Variants in ZCCHC24 observed in about 807,000 individuals in gnomAD.
ZCCHC24 encodes zinc finger CCHC domain-containing protein 24.
A neutral mutation model predicts 26.2 loss-of-function variants in ZCCHC24; 10 were observed. That is an observed-to-expected ratio of 0.38 (90% CI 0.24 to 0.65). ZCCHC24 has a LOEUF of 0.65. ZCCHC24 is among the 30% of genes least tolerant of loss of function. The probability of loss-of-function intolerance (pLI) is 0.54; values close to 1 mark genes in which losing one functional copy is unlikely to be tolerated. For missense variants in ZCCHC24, 243 were observed against 329.1 expected (o/e 0.74, Z 2.03); for synonymous variants, 144 against 147.1 (o/e 0.98, Z 0.15).
At chr10:79,435,971 C>G (rs551776711) in intron 1 of ZCCHC24, among the ~76,000 whole-genome samples, 1 of 152,288 alleles carries the variant, frequency 6.6e-6, no homozygotes, top group South Asian at 2.1e-4. Flanking sequence ...CCCATCTGTA[C>G]AGTGTAAAAT....
Position 79,386,453 on chromosome 10 carries a change from G to C in ZCCHC24, c.618C>G (p.Pro206=). 6.3e-7 allele frequency: 1 copy of C among 1,595,852 alleles called. No individual in the cohort carries two copies. The highest frequency in any genetic ancestry group is 8.6e-7 in the Non-Finnish European group (1 of 1,166,144). Residue 206 remains proline (P), a synonymous_variant, in exon 4 of 4, where the codon CCC becomes CCG. Transcript: ENST00000372336. ...HINVYPHKQR[P]LEKPDGLDVS... ...CGTCCAGGCCGTCGGGCTTCTCCAG[G>C]GGTCTCTGCAGAGAGAAGGAGGAAG...
At chr10:79,405,295 G>C (rs10740501) in intron 2 of ZCCHC24, among the ~76,000 whole-genome samples, 1 of 152,028 alleles carries the variant, frequency 6.6e-6, no homozygotes, top group East Asian at 1.9e-4. Context: ...TGTGTGCTGC[G>C]GTCAGGTGCA....
chr10:79,394,058 A>G (rs914040730), intron 3 of ZCCHC24, among the ~76,000 whole-genome samples: 6 of 152,134 alleles, frequency 3.9e-5, no homozygotes, highest in Admixed American at 3.9e-4. Flanking sequence ...CCTGTTCACT[A>G]GTTTTACAAT....
rs756203255 is a variant in ZCCHC24 at position 79,432,692 on chromosome 10, G to A, written c.313C>T (p.Leu105Phe). The A allele has an allele frequency of 2.5e-6, 4 of 1,608,874 alleles. No homozygotes were observed. The highest frequency in any genetic ancestry group is 2.7e-5 in the African/African-American group (2 of 74,568). Residue 105 changes from leucine (L) to phenylalanine (F), a missense_variant, in exon 2 of 4, where the codon CTC becomes TTC. By Grantham distance (22) the Leu-to-Phe change is conservative (BLOSUM62 0). Around this residue, in one of 2 missense-constraint regions of ZCCHC24, gnomAD observed 147 missense variants for 150.8 expected, o/e 0.97. Coordinates refer to ENST00000372336, the MANE Select transcript of ZCCHC24 (RefSeq NM_153367.4). ...GAGAAGTGCTCGGTGAGGGAGCTGA[G>A]GCCATCGGCGATGTTGTTGAGGGAG... is the stretch of plus-strand genomic sequence containing the variant. ...YGSLNNIADG[L>F]SSLTEHFSDL...
At chr10:79,421,325 A>G (rs1856931247) in intron 2 of ZCCHC24, among the ~76,000 whole-genome samples, 1 of 152,116 alleles carries the variant, frequency 6.6e-6, no homozygotes, top group Admixed American at 6.5e-5. Flanking sequence ...AACCCCCTGC[A>G]ATGCTACCTT....
At chr10:79,399,172 G>C (rs970805451) in intron 2 of ZCCHC24, among the ~76,000 whole-genome samples, 1 of 152,202 alleles carries the variant, frequency 6.6e-6, no homozygotes, top group Middle Eastern at 3.2e-3. Context: ...AGGAGAAGAA[G>C]GACTGTGGGC....
intron 2 of ZCCHC24, among the ~76,000 whole-genome samples, chr10:79,398,999 T>C (rs902936488): frequency 2.6e-5 from 4 of 151,710 alleles, no homozygotes; most frequent in African/African-American, 7.3e-5. Context: ...ACCCCCAAAA[T>C]TGCCCCCACC....
rs534031765 is a variant in ZCCHC24 at position 79,385,887 on chromosome 10, G to A, written c.*458C>T. On this transcript the variant is annotated 3_prime_UTR_variant, in exon 4 of 4. Coordinates refer to ENST00000372336, the MANE Select transcript of ZCCHC24 (RefSeq NM_153367.4). This position sits in a 1 kb window ranked among gnomAD's most constrained non-coding sequence, Gnocchi z 4.3. ...GCTGACTCAGGAAAGAGGGATTTCT[G>A]AGAGTGGCTTTCCATACAGGGCAAA... 1,335 of 346,568 alleles carry A rather than the reference G, an allele frequency of 3.9e-3. 5 individuals are homozygous for A. The highest frequency in any genetic ancestry group is 5.6e-3 in the Non-Finnish European group (1,084 of 192,138). 21.5% of individuals were successfully genotyped at this position (346,568 alleles called of 1,614,324 possible).
At chr10:79,437,784 G>A (rs1163102435) in intron 1 of ZCCHC24, among the ~76,000 whole-genome samples, 1 of 152,234 alleles carries the variant, frequency 6.6e-6, no homozygotes, top group Non-Finnish European at 1.5e-5. Flanking sequence ...TTCCAAGGCT[G>A]ACTCCAGTTC....
intron 2 of ZCCHC24, among the ~76,000 whole-genome samples, chr10:79,415,316 C>T (rs1856844700): frequency 6.6e-6 from 1 of 152,074 alleles, no homozygotes; most frequent in Non-Finnish European, 1.5e-5. Context: ...TAGGTGAGTC[C>T]CTTGGCCCCT....
At chr10:79,406,455 C>G (rs539544946) in intron 2 of ZCCHC24, among the ~76,000 whole-genome samples, 235 of 152,296 alleles carry the variant, frequency 1.5e-3, no homozygotes, top group Non-Finnish European at 2.9e-3. Context: ...GCTGACCCTG[C>G]TTCTTCACCA....
intron 2 of ZCCHC24, among the ~76,000 whole-genome samples, chr10:79,406,408 T>A (rs1349474057): frequency 6.6e-6 from 1 of 151,078 alleles, no homozygotes; most frequent in Admixed American, 6.6e-5. Context: ...TACAGGGGGG[T>A]CGCAGGGAGG....
In ZCCHC24 at chr10:79,384,702, T is replaced by C. The variant is rs1856365887; in HGVS notation, c.*1643A>G. 4 of 152,736 alleles carry C rather than the reference T, an allele frequency of 2.6e-5. No homozygotes were observed. The highest frequency in any genetic ancestry group is 2.6e-4 in the Admixed American group (4 of 15,284). 9.5% of individuals were successfully genotyped at this position (152,736 alleles called of 1,614,324 possible). On this transcript the variant is annotated 3_prime_UTR_variant, in exon 4 of 4. Coordinates refer to ENST00000372336, the MANE Select transcript of ZCCHC24 (RefSeq NM_153367.4). ...CCTGGACCCCTGGTTAACACTTCACTGTAACTCCTCAGTTGTACAAAGCAT... is the reference window on the plus strand; with the variant it reads ...CCTGGACCCCTGGTTAACACTTCACCGTAACTCCTCAGTTGTACAAAGCAT...
At chr10:79,436,672 G>A (rs1447134974) in intron 1 of ZCCHC24, among the ~76,000 whole-genome samples, 2 of 152,240 alleles carry the variant, frequency 1.3e-5, no homozygotes, top group East Asian at 3.8e-4. Flanking sequence ...TGCCCTGGGT[G>A]CGATGGTCAC....
In ZCCHC24 at chr10:79,445,293, G is replaced by T; in HGVS notation, c.148C>A (p.Pro50Thr). 2 of 1,488,432 alleles carry T rather than the reference G, an allele frequency of 1.3e-6. No homozygotes were observed. The highest frequency in any genetic ancestry group is 8.9e-7 in the Non-Finnish European group (1 of 1,117,892). The allele number at this position is 1,488,432 out of a possible 1,614,324, so 92.2% of individuals were successfully genotyped here. A position where few individuals can be genotyped will look rare whatever the true frequency, so the allele number is the denominator to read the frequency against. The change falls in exon 1 of 4, where the codon CCC becomes ACC. Residue 50 changes from proline (P) to threonine (T), a missense_variant. Physicochemically the swap from Pro to Thr is conservative, Grantham distance 38. Around this residue, in one of 2 missense-constraint regions of ZCCHC24, gnomAD observed 147 missense variants for 150.8 expected, o/e 0.97. Transcript: ENST00000372336. ...FRPEPTAGAA[P>T]PELAFGKGRP... is the part of the protein sequence containing the mutation. ...CCCTTGCCGAAGGCCAGCTCCGGGG[G>T]TGCGGCGCCGGCGGTCGGCTCGGGC...
intron 1 of ZCCHC24, among the ~76,000 whole-genome samples, chr10:79,441,103 C>CACACACACACACAA (rs1283736477): frequency 3.3e-5 from 5 of 151,512 alleles, no homozygotes; most frequent in African/African-American, 9.7e-5. Context: ...CACACACACA[C>CACACACACACACAA]ACACACACAC....
chr10:79,407,327 A>G (rs1856731068), intron 2 of ZCCHC24, among the ~76,000 whole-genome samples: 1 of 152,222 alleles, frequency 6.6e-6, no homozygotes, highest in Admixed American at 6.5e-5. Context: ...TGGGAGCGCC[A>G]GTCCACATTC....
intron 2 of ZCCHC24, 58 bp downstream of exon 2, chr10:79,432,500 C>T (rs780694882): frequency 1.9e-6 from 3 of 1,549,800 alleles, no homozygotes; most frequent in Non-Finnish European, 2.6e-6. Flanking sequence ...CCCACAGGAG[C>T]CTGTCCGCAG....
chr10:79,383,789 TA>T lies in ZCCHC24; in HGVS notation c.*2555del, dbSNP rs1856356064. 6.6e-6 allele frequency: 1 copy of T among 152,642 alleles called. No homozygotes were observed. The highest frequency in any genetic ancestry group is 2.4e-5 in the African/African-American group (1 of 41,414). 9.5% of individuals were successfully genotyped at this position (152,642 alleles called of 1,614,324 possible). A position where few individuals can be genotyped will look rare whatever the true frequency, so the allele number is the denominator to read the frequency against. ...GAATTTTTTTTCCAAAATACACACATATTTTTTTAAAAAAGGAATTCTGTGT... is the reference window on the plus strand; with the variant it reads ...GAATTTTTTTTCCAAAATACACACATTTTTTTTAAAAAAGGAATTCTGTGT... On this transcript the variant is annotated 3_prime_UTR_variant, in exon 4 of 4. Transcript: ENST00000372336.
Sources: allele counts gnomAD v4.1 joint callset (sites outside exome capture counted in the v4.1 genomes callset), GRCh38; gene constraint gnomAD v4.1.1; regional missense constraint gnomAD v4.1.1; non-coding constraint Gnocchi (gnomAD v3.1); transcripts MANE v1.5; gene names NCBI Gene and HGNC (gene_info 2026-07-23, HGNC 2026-07-21).